PDE3B: variants seen among roughly 807,000 people sequenced by gnomAD.
PDE3B encodes the protein cGMP-inhibited 3',5'-cyclic phosphodiesterase 3B.
A neutral mutation model predicts 116.8 loss-of-function variants in PDE3B; 66 were observed. That is an observed-to-expected ratio of 0.56 (90% CI 0.46 to 0.69). The LOEUF (loss-of-function observed/expected upper bound fraction) is 0.69, where lower values mean the gene tolerates loss of function less well. Among genes scored for constraint, PDE3B ranks in the 30% least tolerant of loss-of-function variants. The pLI, the probability that PDE3B is intolerant of heterozygous loss-of-function variation, is 0.00. For synonymous variants in PDE3B, 595 were observed against 533.6 expected, an observed-to-expected ratio of 1.12 and a Z score of -1.59; for missense variants, 1,384 against 1,368.1, an observed-to-expected ratio of 1.01 and a Z score of -0.18.
Position 14,749,843 on chromosome 11 carries a change from A to G in PDE3B, c.979-22094A>G, listed in dbSNP as rs575189238. Among the ~76,000 whole-genome samples, 13 of 128,816 alleles carry G rather than the reference A, an allele frequency of 1.0e-4. No individual in the cohort carries two copies. In the South Asian group the frequency reaches 2.0e-3, roughly 20 times the overall value. 84.5% of individuals were successfully genotyped at this position (128,816 alleles called of 152,430 possible). On this transcript the variant is annotated intron_variant, in intron 1 of 15. Coordinates refer to ENST00000282096, the MANE Select transcript of PDE3B (RefSeq NM_000922.4). ...TCCTATATCCCATAAATATATATATATTTATTTATATATATTTAAAATTTA... is the reference window on the plus strand; with the variant it reads ...TCCTATATCCCATAAATATATATATGTTTATTTATATATATTTAAAATTTA...
intron 1 of PDE3B, among the ~76,000 whole-genome samples, chr11:14,729,730 A>G (rs1386367452): frequency 6.6e-6 from 1 of 152,224 alleles, no homozygotes; most frequent in Non-Finnish European, 1.5e-5. Context: ...GTGCAAGTAT[A>G]TAAACAAATT....
chr11:14,755,454 C>T (rs578063759), intron 1 of PDE3B, among the ~76,000 whole-genome samples: 63 of 152,200 alleles, frequency 4.1e-4, no homozygotes, highest in African/African-American at 1.5e-3. Context: ...TTATAAATAC[C>T]TTGTAAGTGA....
rs192431114 is a variant in PDE3B, at chr11:14,691,023, G to A, written c.978+45970G>A. On this transcript the variant is annotated intron_variant, in intron 1 of 15. Coordinates refer to ENST00000282096, the MANE Select transcript of PDE3B (RefSeq NM_000922.4). The stretch of plus-strand genomic sequence containing the variant: ...ACAGAAGGAAAAATTAAAGGCAATA[G>A]CAAGAGAGGTTAAAGCAGTGTAGAA... Among the ~76,000 whole-genome samples the A allele has an allele frequency of 3.9e-5, 6 of 152,270 alleles. No individual in the cohort carries two copies. The East Asian group carries it at 1.2e-3, about 29-fold the overall frequency.
chr11:14,781,824 G>A (rs935824433), intron 2 of PDE3B, among the ~76,000 whole-genome samples: 4 of 152,110 alleles, frequency 2.6e-5, no homozygotes, highest in Non-Finnish European at 5.9e-5. Context: ...CAGTCAGGCA[G>A]GAGAAAGAAA....
chr11:14,759,211 G>C (rs1288437609), intron 1 of PDE3B, among the ~76,000 whole-genome samples: 1 of 152,148 alleles, frequency 6.6e-6, no homozygotes, highest in Non-Finnish European at 1.5e-5. Flanking sequence ...GTTCGTCAAG[G>C]ATATTGGTCT....
chr11:14,859,561 A>G (rs1338084962), intron 13 of PDE3B, among the ~76,000 whole-genome samples: 1 of 152,198 alleles, frequency 6.6e-6, no homozygotes, highest in South Asian at 2.1e-4. Context: ...AAATGAGTTT[A>G]AAGAGAGATT....
intron 1 of PDE3B, among the ~76,000 whole-genome samples, chr11:14,721,831 C>T (rs1428181027): frequency 5.6e-5 from 7 of 125,866 alleles, no homozygotes; most frequent in Admixed American, 8.3e-5. Context: ...TGCTAGATGA[C>T]GAGTTAGTGG....
chr11:14,661,766 C>T (rs1853923858), intron 1 of PDE3B, among the ~76,000 whole-genome samples: 1 of 152,206 alleles, frequency 6.6e-6, no homozygotes, highest in Non-Finnish European at 1.5e-5. Flanking sequence ...GGGCGCCTGC[C>T]ATTTCCGAGG....
chr11:14,759,199 A>G (rs571450476), intron 1 of PDE3B, among the ~76,000 whole-genome samples: 4 of 152,262 alleles, frequency 2.6e-5, no homozygotes, highest in East Asian at 3.9e-4. Context: ...TTTTGCATCA[A>G]TGTTCGTCAA....
chr11:14,835,020 G>A lies in PDE3B; in HGVS notation c.2245G>A (p.Val749Ile). The change falls in exon 11 of 16, where the codon GTT becomes ATT. Residue 749 changes from valine to isoleucine, a missense_variant. Val to Ile is a conservative substitution (Grantham distance 29). Transcript: ENST00000282096. ...ACATGCCACAGATGTGCTACATGCA[G>A]TTTGGTATCTGACAACACGGCCAGT... is the stretch of plus-strand genomic sequence containing the variant. ...RIHATDVLHA[V>I]WYLTTRPVPG... The A allele has an allele frequency of 6.2e-7, 1 of 1,613,312 alleles. No homozygotes were observed.
the PDE3B span, among the ~76,000 whole-genome samples, chr11:14,890,696 G>A: frequency 7.9e-5 from 12 of 151,860 alleles, no homozygotes; most frequent in African/African-American, 2.7e-4. Context: ...ACAGGTGCCC[G>A]CCACCACGCC....
intron 1 of PDE3B, among the ~76,000 whole-genome samples, chr11:14,681,250 A>T (rs1228343021): frequency 6.6e-6 from 1 of 152,134 alleles, no homozygotes; most frequent in Non-Finnish European, 1.5e-5. Context: ...GAGCATACTG[A>T]ATGTATATTG....
At chr11:14,722,757 C>A (rs947567133) in intron 1 of PDE3B, among the ~76,000 whole-genome samples, 5 of 152,172 alleles carry the variant, frequency 3.3e-5, no homozygotes, top group Non-Finnish European at 7.4e-5. Context: ...AGGCACTCAG[C>A]TAAGCCACTT....
chr11:14,837,616 T>G (rs1450039723), intron 11 of PDE3B, among the ~76,000 whole-genome samples: 1 of 152,224 alleles, frequency 6.6e-6, no homozygotes, highest in Non-Finnish European at 1.5e-5. Context: ...CTATCTCCAG[T>G]CTGTTCTCAA....
intron 2 of PDE3B, chr11:14,773,129 A>C (rs1296884703): frequency 6.6e-6 from 1 of 151,992 alleles, no homozygotes; most frequent in Non-Finnish European, 1.5e-5. Context: ...GTTTTATTCT[A>C]ATTCTAGTTT....
At chr11:14,848,579 T>C (rs1032501605) in intron 12 of PDE3B, among the ~76,000 whole-genome samples, 6 of 152,096 alleles carry the variant, frequency 3.9e-5, no homozygotes, top group African/African-American at 1.4e-4. Context: ...TGATTGTATA[T>C]CTAGAAAACC....
At chr11:14,867,378 G>A (rs972426068) in intron 14 of PDE3B, 128 bp from the exon 15 acceptor site, 1 of 718,018 alleles carries the variant, frequency 1.4e-6, no homozygotes, top group Non-Finnish European at 2.2e-6. Flanking sequence ...ATAGATTGAT[G>A]CTTATTCATA....
intron 1 of PDE3B, among the ~76,000 whole-genome samples, chr11:14,691,115 AT>A (rs1179966010): frequency 1.3e-5 from 2 of 152,214 alleles, no homozygotes; most frequent in African/African-American, 4.8e-5. Context: ...AAATAGTAGA[AT>A]TCAGTAAAGG....
chr11:14,831,867 A>G, intron 9 of PDE3B, 90 bp downstream of exon 9: 1 of 792,684 alleles, frequency 1.3e-6, no homozygotes, highest in Non-Finnish European at 2.0e-6. Context: ...TGGTTTAAGC[A>G]CTAGTTCAAC....
Sources: gnomAD v4.1 joint callset for allele counts (sites outside exome capture counted in the v4.1 genomes callset) on GRCh38, gnomAD v4.1.1 for gene constraint, MANE v1.5 for transcripts, NCBI Gene and HGNC (gene_info 2026-07-23, HGNC 2026-07-21) for gene names.